The following LRRC38 variants were observed in gnomAD, a reference collection of about 807,000 sequenced individuals.
LRRC38 encodes the protein leucine rich repeat containing 38, also known as leucine-rich repeat-containing protein 38.
A neutral mutation model predicts 16.4 loss-of-function variants in LRRC38; 5 were observed. The ratio of observed to expected loss-of-function variants is 0.31; its 90% CI spans 0.16 to 0.64. LRRC38 has a LOEUF of 0.64. Ranked by LOEUF, LRRC38 falls within the 30% of genes least tolerant of loss-of-function variation. The probability of loss-of-function intolerance (pLI) is 0.80; values close to 1 mark genes in which losing one functional copy is unlikely to be tolerated. For synonymous variants in LRRC38, 191 were observed against 190.2 expected (o/e 1.00, Z -0.04); for missense variants, 341 against 401.8 (o/e 0.85, Z 1.29).
Position 13,513,192 on chromosome 1 carries a change from G to A in LRRC38, c.402C>T (p.Ser134=), listed in dbSNP as rs1225533732. The change falls in exon 1 of 2, where the codon AGC becomes AGT. Residue 134 remains serine, a synonymous_variant. Transcript: ENST00000376085. ...CGCCCACCAGGTTGTTGTTAGCCAG[G>A]CTAAGCTTCACCAGCCTCCCGGCCG... ...FRSAGRLVKL[S]LANNNLVGVH... 1 of 1,550,496 alleles carries A rather than the reference G, an allele frequency of 6.4e-7. No individual in the cohort carries two copies. The highest frequency in any genetic ancestry group is 8.7e-7 in the Non-Finnish European group (1 of 1,146,956).
intron 1 of LRRC38, among the ~76,000 whole-genome samples, chr1:13,497,791 G>A (rs545881812): frequency 4.6e-5 from 7 of 151,734 alleles, no homozygotes; most frequent in African/African-American, 1.5e-4. Context: ...GAGAAACCCC[G>A]TCTCTACCAA....
At chr1:13,502,670 G>T (rs1639164487) in intron 1 of LRRC38, among the ~76,000 whole-genome samples, 1 of 152,196 alleles carries the variant, frequency 6.6e-6, no homozygotes. Flanking sequence ...CTCCTCATTT[G>T]CAAACATTCC....
intron 1 of LRRC38, among the ~76,000 whole-genome samples, chr1:13,495,198 C>T (rs1639068051): frequency 6.6e-6 from 1 of 152,152 alleles, no homozygotes; most frequent in South Asian, 2.1e-4. Context: ...GTGACATACA[C>T]GGTGGGACAG....
chr1:13,506,702 G>T (rs1029588318), intron 1 of LRRC38, among the ~76,000 whole-genome samples: 1 of 152,092 alleles, frequency 6.6e-6, no homozygotes, highest in African/African-American at 2.4e-5. Context: ...CAGGTGATTC[G>T]CCCGCCTTGG....
At chr1:13,494,136 C>T (rs1030619981) in intron 1 of LRRC38, among the ~76,000 whole-genome samples, 1 of 152,214 alleles carries the variant, frequency 6.6e-6, no homozygotes, top group Non-Finnish European at 1.5e-5. Flanking sequence ...TTTTAAGCCC[C>T]TACAACATGA....
chr1:13,486,941 A>G (rs1001995120), intron 1 of LRRC38, among the ~76,000 whole-genome samples: 10 of 152,036 alleles, frequency 6.6e-5, no homozygotes, highest in African/African-American at 2.4e-4. Context: ...TCGGTACCCA[A>G]CCCACACTGA....
chr1:13,476,069 AT>A lies in LRRC38; in HGVS notation c.661del (p.Met221TrpfsTer100). On this transcript the variant is annotated frameshift_variant, in exon 2 of 2. Coordinates refer to ENST00000376085, the MANE Select transcript of LRRC38 (RefSeq NM_001010847.2). LOFTEE classifies it high-confidence loss of function. The stretch of plus-strand genomic sequence containing the variant: ...ACGCAGGGATATCCTCCTGCTCTCC[AT>A]GGGCAGGGAGCACTGGATTTCATCA... ...GLDEIQCSLP[M>X]ESRRISLREL... The A allele has an allele frequency of 6.4e-7, 1 of 1,550,462 alleles. No individual in the cohort carries two copies. The highest frequency in any genetic ancestry group is 8.7e-7 in the Non-Finnish European group (1 of 1,146,878).
At chr1:13,505,783 G>A (rs894734440) in intron 1 of LRRC38, among the ~76,000 whole-genome samples, 1 of 152,152 alleles carries the variant, frequency 6.6e-6, no homozygotes, top group Non-Finnish European at 1.5e-5. Context: ...GAGGAAGATC[G>A]GGGTCGGGGG....
At chr1:13,509,301 G>A (rs1244986456) in intron 1 of LRRC38, among the ~76,000 whole-genome samples, 1 of 152,168 alleles carries the variant, frequency 6.6e-6, no homozygotes, top group East Asian at 1.9e-4. Context: ...AGGTGCAAGA[G>A]GGTGCCTGGG....
intron 1 of LRRC38, among the ~76,000 whole-genome samples, chr1:13,489,376 T>TATC (rs1638980200): frequency 6.6e-6 from 1 of 152,126 alleles, no homozygotes. Flanking sequence ...CCAGCCTTGG[T>TATC]TTCACAGCAT....
chr1:13,492,918 C>T (rs529582456), intron 1 of LRRC38, among the ~76,000 whole-genome samples: 4 of 152,142 alleles, frequency 2.6e-5, no homozygotes, highest in Non-Finnish European at 5.9e-5. Flanking sequence ...TCCCCCCTGA[C>T]CCAGGCCTAA....
At chr1:13,511,571 CCAA>C (rs1411298802) in intron 1 of LRRC38, among the ~76,000 whole-genome samples, 1 of 152,024 alleles carries the variant, frequency 6.6e-6, no homozygotes, top group Non-Finnish European at 1.5e-5. Context: ...ACCAACCCAA[CCAA>C]CAACAGGGGT....
At position 13,475,595 on chromosome 1, in the gene LRRC38, C is replaced by A; in HGVS notation, c.*251G>T. 2 of 497,214 alleles carry A rather than the reference C, an allele frequency of 4.0e-6. No homozygotes were observed. The highest frequency in any genetic ancestry group is 3.3e-5 in the Admixed American group (1 of 30,564). 30.8% of individuals were successfully genotyped at this position (497,214 alleles called of 1,614,324 possible). A position where few individuals can be genotyped will look rare whatever the true frequency, so the allele number is the denominator to read the frequency against. ...CGGTCATCTTCTCCCCCAACACACACCTCGATCTGAGAGGCAGGTTATGCT... is the reference window on the plus strand; with the variant it reads ...CGGTCATCTTCTCCCCCAACACACAACTCGATCTGAGAGGCAGGTTATGCT... On this transcript the variant is annotated 3_prime_UTR_variant, in exon 2 of 2. Coordinates refer to ENST00000376085, the MANE Select transcript of LRRC38 (RefSeq NM_001010847.2). This position sits in a 1 kb window ranked among gnomAD's most constrained non-coding sequence, Gnocchi z 4.3.
chr1:13,500,393 G>A (rs1354721259), intron 1 of LRRC38, among the ~76,000 whole-genome samples: 4 of 152,178 alleles, frequency 2.6e-5, no homozygotes, highest in African/African-American at 9.7e-5. Context: ...CATATGAGAT[G>A]AATGCCCATC....
intron 1 of LRRC38, among the ~76,000 whole-genome samples, chr1:13,492,692 A>C (rs548010437): frequency 6.6e-6 from 1 of 151,394 alleles, no homozygotes; most frequent in African/African-American, 2.4e-5. Context: ...ACAGAGTGAG[A>C]CTCCACCTCA....
In LRRC38 at chr1:13,476,808, G is replaced by A. The variant is rs530642466; in HGVS notation, c.632-709C>T. Reference sequence around the variant, plus strand: ...CAACTAGCGGACAGACCCTCCACTTGGTAGTGCCACTTTCCAACTTAGATA... The same window carrying A: ...CAACTAGCGGACAGACCCTCCACTTAGTAGTGCCACTTTCCAACTTAGATA... On this transcript the variant is annotated intron_variant, in intron 1 of 1. Transcript: ENST00000376085. Among the ~76,000 whole-genome samples, 9 of 152,268 alleles carry A rather than the reference G, an allele frequency of 5.9e-5. No homozygotes were observed. The South Asian group carries it at 1.9e-3, about 32-fold the overall frequency.
At chr1:13,489,560 C>A (rs1638983183) in intron 1 of LRRC38, among the ~76,000 whole-genome samples, 2 of 152,082 alleles carry the variant, frequency 1.3e-5, no homozygotes, top group Admixed American at 6.6e-5. Flanking sequence ...TTCCCAGGCA[C>A]CAGGTCCTTA....
At chr1:13,476,709 T>G (rs1043597794) in intron 1 of LRRC38, among the ~76,000 whole-genome samples, 1 of 152,174 alleles carries the variant, frequency 6.6e-6, no homozygotes, top group Non-Finnish European at 1.5e-5. Context: ...TTAGGACATC[T>G]GTAGACCCTA....
At chr1:13,496,025 C>T (rs887457778) in intron 1 of LRRC38, among the ~76,000 whole-genome samples, 9 of 152,146 alleles carry the variant, frequency 5.9e-5, no homozygotes, top group Admixed American at 1.3e-4. Context: ...ACCCAGGTAA[C>T]GGCTTACAAA....
Sources: allele counts gnomAD v4.1 joint callset (sites outside exome capture counted in the v4.1 genomes callset), GRCh38; gene constraint gnomAD v4.1.1; non-coding constraint Gnocchi (gnomAD v3.1); transcripts MANE v1.5; gene names NCBI Gene and HGNC (gene_info 2026-07-23, HGNC 2026-07-21).